The following DENND6A variants were observed in gnomAD, a reference collection of about 807,000 sequenced individuals.
DENND6A encodes the protein protein DENND6A.
A neutral mutation model predicts 95.5 loss-of-function variants in DENND6A; 43 were observed. The observed-to-expected ratio is 0.45, with a 90% confidence interval of 0.35 to 0.58. The LOEUF is 0.58. Ranked by LOEUF, DENND6A falls within the 20% of genes least tolerant of loss-of-function variation. The pLI, the probability that DENND6A is intolerant of heterozygous loss-of-function variation, is 0.00. For missense variants in DENND6A, 574 were observed against 736.0 expected, an observed-to-expected ratio of 0.78 and a Z score of 2.55; for synonymous variants, 257 against 260.4, an observed-to-expected ratio of 0.99 and a Z score of 0.13.
intron 10 of DENND6A, 38 bp downstream of exon 10, chr3:57,646,278 A>G (rs1213816918): frequency 7.6e-7 from 1 of 1,311,986 alleles, no homozygotes; most frequent in African/African-American, 1.6e-5. Flanking sequence ...TGCAGCATCC[A>G]AAAAAAAAAC....
chr3:57,674,906 G>A (rs1485772734), intron 1 of DENND6A, among the ~76,000 whole-genome samples: 1 of 152,172 alleles, frequency 6.6e-6, no homozygotes, highest in African/African-American at 2.4e-5. Flanking sequence ...TCTCTTATAA[G>A]TGGGAGGAGC....
chr3:57,636,936 CAAA>C (rs60350642), intron 12 of DENND6A, among the ~76,000 whole-genome samples: 2 of 51,996 alleles, frequency 3.8e-5, no homozygotes, highest in Admixed American at 2.0e-4. Flanking sequence ...GACTCTGTCT[CAAA>C]AAAAAAAAAA....
intron 12 of DENND6A, among the ~76,000 whole-genome samples, chr3:57,638,734 C>T (rs1213250074): frequency 6.6e-6 from 1 of 151,986 alleles, no homozygotes; most frequent in African/African-American, 2.4e-5. Flanking sequence ...TATCACCGAT[C>T]ATGAGGGAAA....
chr3:57,641,583 A>C, intron 12 of DENND6A, 70 bp downstream of exon 12: 1 of 1,310,270 alleles, frequency 7.6e-7, no homozygotes, highest in Non-Finnish European at 1.0e-6. Flanking sequence ...AAAATAATCA[A>C]GGATGAAAAG....
At chr3:57,675,669 G>C (rs2071696814) in intron 1 of DENND6A, among the ~76,000 whole-genome samples, 1 of 152,172 alleles carries the variant, frequency 6.6e-6, no homozygotes, top group African/African-American at 2.4e-5. Context: ...GGCTAGGTCA[G>C]ATCAGCTACC....
chr3:57,649,629 T>G (rs2071153637), intron 9 of DENND6A, among the ~76,000 whole-genome samples: 1 of 85,090 alleles, frequency 1.2e-5, no homozygotes, highest in African/African-American at 4.3e-5. Context: ...AATCAATGAG[T>G]GAAAAAAAAA....
intron 5 of DENND6A, 139 bp downstream of exon 5, chr3:57,663,497 T>TATAC (rs762391000): frequency 0.025 from 3,573 of 142,040 alleles, 35 homozygotes; most frequent in South Asian, 0.055. Flanking sequence ...AATATATATA[T>TATAC]ACACACACAC....
intron 9 of DENND6A, chr3:57,654,804 T>C (rs992445754): frequency 9.2e-6 from 9 of 983,258 alleles, no homozygotes; most frequent in Non-Finnish European, 9.7e-6. Flanking sequence ...GTCTCTTTAC[T>C]TTGCTTTCAA....
chr3:57,687,431 T>A (rs187451415), intron 1 of DENND6A, among the ~76,000 whole-genome samples: 75 of 152,266 alleles, frequency 4.9e-4, no homozygotes, highest in Admixed American at 1.2e-3. Context: ...AAAGAAGCTG[T>A]CTCCATAACA....
At chr3:57,652,284 G>A (rs1322612928) in intron 9 of DENND6A, among the ~76,000 whole-genome samples, 1 of 152,186 alleles carries the variant, frequency 6.6e-6, no homozygotes. Flanking sequence ...GCCATGTTGT[G>A]AGAACATTAG....
chr3:57,689,488 T>C (rs2077241479), intron 1 of DENND6A, among the ~76,000 whole-genome samples: 1 of 152,158 alleles, frequency 6.6e-6, no homozygotes, highest in South Asian at 2.1e-4. Context: ...CCAGAGCCAC[T>C]TCAGGGGAAA....
intron 15 of DENND6A, among the ~76,000 whole-genome samples, chr3:57,631,457 G>C (rs1015838577): frequency 2.0e-5 from 3 of 151,968 alleles, no homozygotes; most frequent in Admixed American, 2.0e-4. Flanking sequence ...GCCTCCCAAA[G>C]TGCTGGGATT....
At position 57,687,587 on chromosome 3, in the gene DENND6A, C is replaced by G. The variant is rs191553412; in HGVS notation, c.237+5195G>C. On this transcript the variant is annotated intron_variant, in intron 1 of 19. Coordinates refer to ENST00000311128, the MANE Select transcript of DENND6A (RefSeq NM_152678.3). Reference sequence around the variant, plus strand: ...GCCTTCTGTTGGAAGACTATGCCCTCTAAGACTTTCATAGCTAGAGAAAAG... The same window carrying G: ...GCCTTCTGTTGGAAGACTATGCCCTGTAAGACTTTCATAGCTAGAGAAAAG... Among the ~76,000 whole-genome samples the G allele has an allele frequency of 1.8e-4, 28 of 152,290 alleles. No homozygotes were observed. The South Asian group carries it at 2.5e-3, about 14-fold the overall frequency.
intron 1 of DENND6A, among the ~76,000 whole-genome samples, chr3:57,675,142 T>TA (rs532929184): frequency 2.6e-4 from 39 of 152,088 alleles, no homozygotes; most frequent in Admixed American, 1.4e-3. Flanking sequence ...AAATAAAAGT[T>TA]AAAAGACAAA....
At chr3:57,630,274 C>A in intron 18 of DENND6A, 147 bp downstream of exon 18, 1 of 635,006 alleles carries the variant, frequency 1.6e-6, no homozygotes, top group Non-Finnish European at 2.5e-6. Context: ...CCTATAATGT[C>A]CTTGGCACAT....
chr3:57,631,328 C>A (rs1378645105), intron 15 of DENND6A: 1 of 194,010 alleles, frequency 5.2e-6, no homozygotes, highest in East Asian at 1.5e-4. Context: ...TCCCAAGCAG[C>A]TGGGATTACA....
At chr3:57,629,783 A>G (rs1047714338) in intron 18 of DENND6A, among the ~76,000 whole-genome samples, 5 of 151,718 alleles carry the variant, frequency 3.3e-5, no homozygotes, top group Admixed American at 1.3e-4. Flanking sequence ...CAGCCTCCCA[A>G]AGTGCTGGGA....
chr3:57,651,091 A>G (rs1005172721), intron 9 of DENND6A, among the ~76,000 whole-genome samples: 2 of 152,104 alleles, frequency 1.3e-5, no homozygotes, highest in Non-Finnish European at 2.9e-5. Flanking sequence ...GCCCATCCAC[A>G]TGGAATATTA....
intron 14 of DENND6A, 122 bp downstream of exon 14, chr3:57,634,434 CAA>C (rs60799417): frequency 0.12 from 33,993 of 278,506 alleles, 3 homozygotes; most frequent in Middle Eastern, 0.19. Context: ...CTCTGTCTCC[CAA>C]AAAAAAAAAA....
Sources: allele counts gnomAD v4.1 joint callset (sites outside exome capture counted in the v4.1 genomes callset), GRCh38; gene constraint gnomAD v4.1.1; transcripts MANE v1.5; gene names NCBI Gene and HGNC (gene_info 2026-07-23, HGNC 2026-07-21).